The following ARHGEF9 variants were observed in gnomAD, a reference collection of about 807,000 sequenced individuals.
ARHGEF9 encodes the protein Cdc42 guanine nucleotide exchange factor 9, also known as rho guanine nucleotide exchange factor 9.
ARHGEF9 carries 2 observed loss-of-function variants against 41.3 expected under a neutral mutation model. The observed-to-expected ratio is 0.05, with a 90% CI of 0.02 to 0.15. The LOEUF is 0.15. Among genes scored for constraint, ARHGEF9 ranks in the 10% least tolerant of loss-of-function variants. ARHGEF9 has a pLI of 1.00. For missense variants in ARHGEF9, 225 were observed against 424.7 expected, an observed-to-expected ratio of 0.53 and a Z score of 4.13; for synonymous variants, 160 against 154.4, an observed-to-expected ratio of 1.04 and a Z score of -0.27.
intron 1 of ARHGEF9, among the ~76,000 whole-genome samples, chrX:63,750,303 G>A (rs2055542820): frequency 9.0e-6 from 1 of 111,281 alleles, no homozygotes; most frequent in African/African-American, 3.3e-5. Flanking sequence ...CTCAAGGGCA[G>A]AAGAGCACCT....
chrX:63,650,829 T>C (rs1276236744), intron 8 of ARHGEF9, among the ~76,000 whole-genome samples: 2 of 109,849 alleles, frequency 1.8e-5, no homozygotes, highest in Non-Finnish European at 3.8e-5. Flanking sequence ...GATTAAAAGA[T>C]TAAAGTGAGA....
intron 1 of ARHGEF9, among the ~76,000 whole-genome samples, chrX:63,746,359 T>C (rs2055273843): frequency 8.9e-6 from 1 of 111,912 alleles, no homozygotes; most frequent in African/African-American, 3.3e-5. Context: ...ACATTGCCCC[T>C]TTTGCTCCTT....
At chrX:63,678,200 G>T in intron 5 of ARHGEF9, 140 bp downstream of exon 5, 1 of 553,415 alleles carries the variant, frequency 1.8e-6, no homozygotes, top group Non-Finnish European at 3.1e-6. Context: ...TGTTGGCTAT[G>T]AGGCAATCAA....
At position 63,643,970 on chromosome X, in the gene ARHGEF9, G is replaced by A; in HGVS notation, c.1390+10C>T. 1.7e-6 allele frequency: 2 copies of A among 1,206,853 alleles called. No individual in the cohort carries two copies. The highest frequency in any genetic ancestry group is 1.1e-6 in the Non-Finnish European group (1 of 891,709). On this transcript the variant is annotated intron_variant, in intron 9 of 9. Transcript: ENST00000671741. Reference sequence around the variant, plus strand: ...TAGTCTTTCACAGAGACTGAGTGGGGCAGCTTTACCTTTTTGCTTAGGGAC... The same window carrying A: ...TAGTCTTTCACAGAGACTGAGTGGGACAGCTTTACCTTTTTGCTTAGGGAC...
chrX:63,767,306 T>C (rs2056128305), intron 1 of ARHGEF9: 1 of 685,803 alleles, frequency 1.5e-6, no homozygotes, highest in Admixed American at 2.3e-5. Context: ...GTAGAAAATT[T>C]TGATGAGGCT....
chrX:63,690,597 A>G (rs782655230), intron 4 of ARHGEF9, among the ~76,000 whole-genome samples: 2 of 112,000 alleles, frequency 1.8e-5, no homozygotes, highest in South Asian at 3.7e-4. Context: ...AATTATTTCA[A>G]AAAAGTAAAG....
At chrX:63,643,782 A>T (rs1556309219) in intron 9 of ARHGEF9, among the ~76,000 whole-genome samples, 198 bp downstream of exon 9, 1 of 111,038 alleles carries the variant, frequency 9.0e-6, no homozygotes, top group African/African-American at 3.3e-5. Context: ...ATCTTTGGAT[A>T]CCAATACCCT....
intron 8 of ARHGEF9, among the ~76,000 whole-genome samples, chrX:63,650,097 C>G (rs1310160026): frequency 9.0e-6 from 1 of 110,794 alleles, no homozygotes; most frequent in Non-Finnish European, 1.9e-5. Flanking sequence ...ATTAGTACAG[C>G]CATTATAGAA....
At chrX:63,706,218 T>C (rs2147507329) in intron 3 of ARHGEF9, 40 bp downstream of exon 3, 2 of 1,166,745 alleles carry the variant, frequency 1.7e-6, no homozygotes, top group Middle Eastern at 5.1e-4. Flanking sequence ...GGGTTGCTGG[T>C]TCTTCGTGGA....
At chrX:63,638,391 C>T (rs2047425560) in intron 9 of ARHGEF9, among the ~76,000 whole-genome samples, 182 bp from the exon 10 acceptor site, 1 of 111,959 alleles carries the variant, frequency 8.9e-6, no homozygotes, top group African/African-American at 3.2e-5. Context: ...AATACCATGG[C>T]TACTATTGCA....
intron 8 of ARHGEF9, among the ~76,000 whole-genome samples, chrX:63,652,596 T>C (rs1336411216): frequency 9.0e-6 from 1 of 111,389 alleles, no homozygotes; most frequent in Non-Finnish European, 1.9e-5. Context: ...GGTTATTACA[T>C]AATATTATGG....
At chrX:63,720,720 G>A (rs1382382115) in intron 2 of ARHGEF9, among the ~76,000 whole-genome samples, 26 of 112,106 alleles carry the variant, frequency 2.3e-4, no homozygotes, top group African/African-American at 7.8e-4. Flanking sequence ...TTTATACAAC[G>A]TGGAGGTAGG....
chrX:63,664,794 G>A (rs2049419733), intron 7 of ARHGEF9, among the ~76,000 whole-genome samples: 1 of 111,981 alleles, frequency 8.9e-6, no homozygotes, highest in Non-Finnish European at 1.9e-5. Context: ...TAAGCTCAGT[G>A]TTTTTCCCCT....
At chrX:63,648,713 A>G (rs1380684677) in intron 8 of ARHGEF9, among the ~76,000 whole-genome samples, 1 of 111,239 alleles carries the variant, frequency 9.0e-6, no homozygotes, top group African/African-American at 3.3e-5. Context: ...CCCATCTCAC[A>G]TGCAGAGACA....
chrX:63,752,200 A>ACCCCC, intron 1 of ARHGEF9, among the ~76,000 whole-genome samples: 1 of 59,307 alleles, frequency 1.7e-5, no homozygotes, highest in African/African-American at 6.5e-5. Context: ...CATCCCCCCC[A>ACCCCC]CCCCCCACAA....
At chrX:63,749,922 A>C (rs1248985825) in intron 1 of ARHGEF9, among the ~76,000 whole-genome samples, 1 of 112,087 alleles carries the variant, frequency 8.9e-6, no homozygotes, top group African/African-American at 3.2e-5. Context: ...AGAAGGAGAC[A>C]CTCTGAGCAG....
At chrX:63,753,543 G>GTTTT (rs536776847) in intron 1 of ARHGEF9, among the ~76,000 whole-genome samples, 1 of 96,324 alleles carries the variant, frequency 1.0e-5, no homozygotes, top group African/African-American at 3.8e-5. Context: ...TTCTTGTGGG[G>GTTTT]TTTTTTTTTT....
chrX:63,695,958 T>C (rs2051717259), intron 4 of ARHGEF9, among the ~76,000 whole-genome samples: 1 of 111,853 alleles, frequency 8.9e-6, no homozygotes, highest in African/African-American at 3.2e-5. Context: ...CCTGTGTGAC[T>C]CCATTGGGGG....
At chrX:63,729,673 C>T (rs187628560) in intron 1 of ARHGEF9, among the ~76,000 whole-genome samples, 9 of 112,037 alleles carry the variant, frequency 8.0e-5, no homozygotes, top group Admixed American at 6.6e-4. Flanking sequence ...TAGCAAGGTA[C>T]TCAAAGAGCT....
Sources: allele counts gnomAD v4.1 joint callset (sites outside exome capture counted in the v4.1 genomes callset), GRCh38; gene constraint gnomAD v4.1.1; transcripts MANE v1.5; gene names NCBI Gene and HGNC (gene_info 2026-07-23, HGNC 2026-07-21).